KLRG2: variants seen among roughly 807,000 people sequenced by gnomAD.
KLRG2 encodes the protein killer cell lectin-like receptor subfamily G member 2.
KLRG2 carries 39 observed loss-of-function variants against 35.4 expected under a neutral mutation model. The observed-to-expected ratio is 1.10, with a 90% CI of 0.85 to 1.44. The LOEUF is 1.44. Ranked by LOEUF, KLRG2 falls within the 40% of genes most tolerant of loss-of-function variation. The pLI is 0.00. For synonymous variants in KLRG2, 283 were observed against 265.8 expected, an observed-to-expected ratio of 1.06 and a Z score of -0.63; for missense variants, 632 against 570.9, an observed-to-expected ratio of 1.11 and a Z score of -1.09.
intron 1 of KLRG2, among the ~76,000 whole-genome samples, chr7:139,481,796 C>T (rs746125744): frequency 3.3e-5 from 5 of 151,996 alleles, no homozygotes; most frequent in Admixed American, 6.6e-5. Flanking sequence ...TGGTGGCCGG[C>T]GCCTGTAATC....
chr7:139,432,084 G>T, the KLRG2 span, among the ~76,000 whole-genome samples: 1 of 151,976 alleles, frequency 6.6e-6, no homozygotes, highest in African/African-American at 2.4e-5. Flanking sequence ...GACCAGGCAC[G>T]GTGCCTCACG....
chr7:139,483,256 G>A lies in KLRG2; in HGVS notation c.387C>T (p.Arg129=), dbSNP rs750151944. ...WAPMELQVDV[R]VKPVGAAGGS... ...CACCGGCCGCGCCCACGGGCTTCAC[G>A]CGCACATCTACCTGCAGCTCCATGG... The change falls in exon 1 of 5, where the codon CGC becomes CGT. Residue 129 remains arginine (R), a synonymous_variant. Transcript: ENST00000340940. 6.4e-7 allele frequency: 1 copy of A among 1,556,348 alleles called. No individual in the cohort carries two copies. The highest frequency in any genetic ancestry group is 8.6e-7 in the Non-Finnish European group (1 of 1,162,688).
intron 3 of KLRG2, among the ~76,000 whole-genome samples, chr7:139,456,052 A>G (rs749277817): frequency 7.3e-5 from 11 of 150,298 alleles, no homozygotes; most frequent in Non-Finnish European, 1.6e-4. Context: ...TAGCAAGTAC[A>G]TATCACTCAC....
chr7:139,442,271 A>G, the KLRG2 span, among the ~76,000 whole-genome samples: 1 of 152,152 alleles, frequency 6.6e-6, no homozygotes, highest in Non-Finnish European at 1.5e-5. Flanking sequence ...GAGAGGAGCA[A>G]CTGTCCACCA....
At chr7:139,472,334 T>C (rs1043880469) in intron 3 of KLRG2, among the ~76,000 whole-genome samples, 84 of 152,132 alleles carry the variant, frequency 5.5e-4, no homozygotes, top group African/African-American at 2.0e-3. Flanking sequence ...ACAAAAAAGA[T>C]ACTATCATCC....
In KLRG2 at chr7:139,468,646, G is replaced by A. The variant is rs7804102; in HGVS notation, c.1005+10981C>T. ...TGTTTGGTGGTCTCTTCACACGGAC[G>A]TGAGTGAAAAGGATAGTGTTCTCTT... is the stretch of plus-strand genomic sequence containing the variant. On this transcript the variant is annotated intron_variant, in intron 3 of 4. Coordinates refer to ENST00000340940, the MANE Select transcript of KLRG2 (RefSeq NM_198508.4). 2.2e-3 allele frequency among the ~76,000 whole-genome samples: 337 copies of A among 152,312 alleles called. 2 individuals are homozygous for A. The highest frequency in any genetic ancestry group is 7.6e-3 in the African/African-American group (317 of 41,572).
At chr7:139,457,160 AG>A (rs1796492377) in intron 3 of KLRG2, among the ~76,000 whole-genome samples, 1 of 152,182 alleles carries the variant, frequency 6.6e-6, no homozygotes, top group African/African-American at 2.4e-5. Context: ...TGGACGGAAC[AG>A]AGAATGTACA....
chr7:139,436,840 A>C, the KLRG2 span, among the ~76,000 whole-genome samples: 1 of 152,230 alleles, frequency 6.6e-6, no homozygotes, highest in Non-Finnish European at 1.5e-5. Flanking sequence ...TACCTGGGGC[A>C]TGGCAGAGTC....
In KLRG2 at chr7:139,480,239, TG is replaced by T. The variant is rs1160652731; in HGVS notation, c.765del (p.Met256CysfsTer3). 6.3e-7 allele frequency: 1 copy of T among 1,592,102 alleles called. No homozygotes were observed. Among genetic ancestry groups the T allele is most frequent in the African/African-American group, 1.3e-5 (1 of 74,332 alleles). On this transcript the variant is annotated frameshift_variant, in exon 2 of 5. Coordinates refer to ENST00000340940, the MANE Select transcript of KLRG2 (RefSeq NM_198508.4). LOFTEE classifies it high-confidence loss of function. ...LPRAVTLTGL[P>X]MYVKSLYWAL... ...GCCCAGTACAGGGACTTCACGTACA[TG>T]GGTAGCCCTGGGACGGGGGCAAACA... is the stretch of plus-strand genomic sequence containing the variant.
chr7:139,482,766 G>A, intron 1 of KLRG2, 120 bp downstream of exon 1: 1 of 887,522 alleles, frequency 1.1e-6, no homozygotes, highest in Non-Finnish European at 1.5e-6. Context: ...GGATCGGGAT[G>A]GCCAACTGGG....
chr7:139,456,224 C>G (rs1239441149), intron 3 of KLRG2, among the ~76,000 whole-genome samples: 2 of 152,224 alleles, frequency 1.3e-5, no homozygotes, highest in African/African-American at 4.8e-5. Flanking sequence ...GCTGCCACCT[C>G]CTCCATCCTT....
the KLRG2 span, among the ~76,000 whole-genome samples, chr7:139,431,839 T>A: frequency 6.6e-6 from 1 of 152,058 alleles, no homozygotes; most frequent in Non-Finnish European, 1.5e-5. Context: ...TTGAAACTCA[T>A]GAGAATTTAC....
At chr7:139,428,561 T>G in the KLRG2 span, among the ~76,000 whole-genome samples, 1 of 152,272 alleles carries the variant, frequency 6.6e-6, no homozygotes, top group South Asian at 2.1e-4. Context: ...GCCTGGCCAG[T>G]TACATTTTTT....
intron 3 of KLRG2, among the ~76,000 whole-genome samples, chr7:139,454,821 A>ATAAT (rs1554402811): frequency 6.2e-5 from 2 of 32,364 alleles, no homozygotes; most frequent in South Asian, 8.7e-4. Context: ...CTATCTCAAA[A>ATAAT]TAATAATAAT....
rs189452679 is a variant in KLRG2 at position 139,459,901 on chromosome 7, G to T, written c.1006-5687C>A. ...CAAGTAGCTGGAACTACAGGCACCC[G>T]CCACCACACTGGCTAATTTTTTGTA... is the stretch of plus-strand genomic sequence containing the variant. On this transcript the variant is annotated intron_variant, in intron 3 of 4. Transcript: ENST00000340940. Among the ~76,000 whole-genome samples the T allele has an allele frequency of 3.5e-3, 538 of 152,130 alleles. 4 individuals carry two copies. Among genetic ancestry groups the T allele is most frequent in the African/African-American group, 0.012 (478 of 41,486 alleles).
the KLRG2 span, among the ~76,000 whole-genome samples, chr7:139,444,170 T>C: frequency 1.3e-5 from 2 of 152,264 alleles, no homozygotes; most frequent in South Asian, 4.1e-4. Context: ...AGATGGTACC[T>C]ACCCATACTG....
chr7:139,483,159 A>G lies in KLRG2; in HGVS notation c.484T>C (p.Ser162Pro). 1 of 1,493,484 alleles carries G rather than the reference A, an allele frequency of 6.7e-7. No homozygotes were observed. Among genetic ancestry groups the G allele is most frequent in the Non-Finnish European group, 8.9e-7 (1 of 1,128,768 alleles). The allele number at this position is 1,493,484 out of a possible 1,614,324, so 92.5% of individuals were successfully genotyped here. A position where few individuals can be genotyped will look rare whatever the true frequency, so the allele number is the denominator to read the frequency against. Residue 162 changes from serine (S) to proline (P), a missense_variant, in exon 1 of 5, where the codon TCC (serine) becomes CCC (proline). Ser to Pro is a moderately conservative substitution (Grantham distance 74, BLOSUM62 -1). Transcript: ENST00000340940. ...KVPVPESPAF[S>P]RHADPAHQLL... ...TGGTGCGCCGGGTCCGCGTGGCGGG[A>G]GAAGGCAGGGGACTCGGGCACCGGC...
the KLRG2 span, among the ~76,000 whole-genome samples, chr7:139,441,975 A>G: frequency 6.6e-6 from 1 of 152,178 alleles, no homozygotes; most frequent in Non-Finnish European, 1.5e-5. Context: ...CACTAAGGAA[A>G]CTAGGAGACC....
chr7:139,430,419 A>G, the KLRG2 span, among the ~76,000 whole-genome samples: 1 of 152,090 alleles, frequency 6.6e-6, no homozygotes, highest in Admixed American at 6.6e-5. Context: ...AAAAAAGTTA[A>G]AACTATGAGA....
Sources: allele counts gnomAD v4.1 joint callset (sites outside exome capture counted in the v4.1 genomes callset), GRCh38; gene constraint gnomAD v4.1.1; transcripts MANE v1.5; gene names NCBI Gene and HGNC (gene_info 2026-07-23, HGNC 2026-07-21).